The following LUZP4 variants were observed in gnomAD, a reference collection of about 807,000 sequenced individuals.
The protein encoded by LUZP4 is leucine zipper protein 4.
LUZP4 carries 11 observed loss-of-function variants against 8.5 expected under a neutral mutation model. The observed-to-expected ratio is 1.30, with a 90% CI of 0.82 to 2.14. The LOEUF is 2.14. LUZP4 is among the 30% of genes most tolerant of loss of function. LUZP4 has a pLI of 0.00. For missense variants in LUZP4, 276 were observed against 229.7 expected, an observed-to-expected ratio of 1.20 and a Z score of -1.30; for synonymous variants, 104 against 79.4, an observed-to-expected ratio of 1.31 and a Z score of -1.65.
intron 1 of LUZP4, among the ~76,000 whole-genome samples, chrX:115,297,189 CTTTCTA>C (rs1458005996): frequency 2.7e-5 from 3 of 111,584 alleles, no homozygotes; most frequent in African/African-American, 6.5e-5. Flanking sequence ...CTTATTCATT[CTTTCTA>C]TTTATATTTT....
rs782119461 is a variant in LUZP4 at position 115,304,648 on chromosome X, A to T, written c.342+1230A>T. On this transcript the variant is annotated intron_variant, in intron 3 of 3. Coordinates refer to ENST00000371920, the MANE Select transcript of LUZP4 (RefSeq NM_016383.5). Reference sequence around the variant, plus strand: ...CACTTCAGCCTCCCAAGTAGCTGGGACTATAGGCACGTGCCACCATGCTCT... The same window carrying T: ...CACTTCAGCCTCCCAAGTAGCTGGGTCTATAGGCACGTGCCACCATGCTCT... Among the ~76,000 whole-genome samples the T allele has an allele frequency of 4.6e-5, 5 of 108,943 alleles. No homozygotes were observed. In the East Asian group the frequency reaches 1.4e-3, roughly 31 times the overall value. The allele number at this position is 108,943 out of a possible 115,157, so 94.6% of individuals were successfully genotyped here.
rs149429232 is a variant in LUZP4 at position 115,305,191 on chromosome X, C to T, written c.343-1014C>T. Reference sequence around the variant, plus strand: ...ATGGAACTCAGTCCTATCTTTCCTACTGACCCACTGTGCTCCCAACACCAA... The same window carrying T: ...ATGGAACTCAGTCCTATCTTTCCTATTGACCCACTGTGCTCCCAACACCAA... On this transcript the variant is annotated intron_variant, in intron 3 of 3. Coordinates refer to ENST00000371920, the MANE Select transcript of LUZP4 (RefSeq NM_016383.5). Among the ~76,000 whole-genome samples, 749 of 112,108 alleles carry T rather than the reference C, an allele frequency of 6.7e-3. 12 individuals are homozygous for T. Among genetic ancestry groups the T allele is most frequent in the African/African-American group, 0.023 (725 of 30,910 alleles).
At chrX:115,299,821 C>A (rs1209014191) in intron 1 of LUZP4, among the ~76,000 whole-genome samples, 1 of 111,728 alleles carries the variant, frequency 9.0e-6, no homozygotes, top group African/African-American at 3.3e-5. Flanking sequence ...CAGCAAGTCT[C>A]GGAGTCTCAT....
At chrX:115,291,089 G>C (rs1284463448) in intron 1 of LUZP4, among the ~76,000 whole-genome samples, 1 of 110,140 alleles carries the variant, frequency 9.1e-6, no homozygotes, top group Non-Finnish European at 1.9e-5. Flanking sequence ...ATAAGCCACC[G>C]CCCCCGGCCT....
chrX:115,291,719 C>A (rs1556596902), intron 1 of LUZP4, among the ~76,000 whole-genome samples: 1 of 109,812 alleles, frequency 9.1e-6, no homozygotes, highest in Admixed American at 9.7e-5. Flanking sequence ...GCCAGGAGTT[C>A]GAGACCAGCC....
Position 115,289,923 on chromosome X carries a change from G to A in LUZP4, c.91+73G>A, listed in dbSNP as rs782150311. 8.2e-4 allele frequency: 634 copies of A among 772,653 alleles called. 5 individuals carry two copies. The South Asian group carries it at 0.013, about 16-fold the overall frequency. 63.7% of individuals were successfully genotyped at this position (772,653 alleles called of 1,213,427 possible). A position where few individuals can be genotyped will look rare whatever the true frequency, so the allele number is the denominator to read the frequency against. On this transcript the variant is annotated intron_variant, in intron 1 of 3. Transcript: ENST00000371920. ...CTTGAGCGCAAGACCTCGGCATAGCGCTTACTAGAAGTGGCGTCGGGAGGA... is the reference window on the plus strand; with the variant it reads ...CTTGAGCGCAAGACCTCGGCATAGCACTTACTAGAAGTGGCGTCGGGAGGA...
At chrX:115,301,853 T>G in intron 1 of LUZP4, 139 bp from the exon 2 acceptor site, 1 of 314,462 alleles carries the variant, frequency 3.2e-6, no homozygotes. Flanking sequence ...TTTAACAAAT[T>G]TATTATTATT....
At chrX:115,290,169 G>A (rs2073342349) in intron 1 of LUZP4, among the ~76,000 whole-genome samples, 1 of 111,289 alleles carries the variant, frequency 9.0e-6, no homozygotes, top group Admixed American at 9.6e-5. Context: ...CGCTATTAAC[G>A]TGTATTTTAC....
chrX:115,292,414 C>T (rs2073352659), intron 1 of LUZP4, among the ~76,000 whole-genome samples: 2 of 110,839 alleles, frequency 1.8e-5, no homozygotes, highest in Non-Finnish European at 3.8e-5. Context: ...TTCTTAATTT[C>T]GTTTTTGGAT....
intron 3 of LUZP4, among the ~76,000 whole-genome samples, chrX:115,304,647 G>T (rs1365423679): frequency 2.7e-5 from 3 of 109,479 alleles, no homozygotes; most frequent in Admixed American, 9.8e-5. Context: ...AAGTAGCTGG[G>T]ACTATAGGCA....
chrX:115,295,733 C>T (rs782502027), intron 1 of LUZP4, among the ~76,000 whole-genome samples: 19 of 109,084 alleles, frequency 1.7e-4, no homozygotes, highest in African/African-American at 5.3e-4. Flanking sequence ...GACCAAAATT[C>T]GAACTGGTAA....
In LUZP4 at chrX:115,303,376, G is replaced by A. The variant is rs1556602414; in HGVS notation, c.300G>A (p.Lys100=). The A allele has an allele frequency of 8.4e-7, 1 of 1,193,524 alleles. No homozygotes were observed. The highest frequency in any genetic ancestry group is 1.9e-5 in the South Asian group (1 of 52,567). The change falls in exon 3 of 4, where the codon AAG becomes AAA. Residue 100 remains lysine (K), a synonymous_variant. Coordinates refer to ENST00000371920, the MANE Select transcript of LUZP4 (RefSeq NM_016383.5). ...CATCCCAAAAACCTTCTGGATTCAA[G>A]TCTGGACAACACCCTTTAAATGGGC... ...KKPSQKPSGF[K]SGQHPLNGQP...
rs1300916478 is a variant in LUZP4, at chrX:115,296,907, C to G, written c.92-5085C>G. ...AGATGTCAGCCATTTCAAAGAAAAT[C>G]AGAATCAGATTTTTTTCTTATTATT... On this transcript the variant is annotated intron_variant, in intron 1 of 3. Coordinates refer to ENST00000371920, the MANE Select transcript of LUZP4 (RefSeq NM_016383.5). Among the ~76,000 whole-genome samples, 3 of 111,860 alleles carry G rather than the reference C, an allele frequency of 2.7e-5. 1 individual carries two copies. In the Admixed American group the frequency reaches 2.8e-4, roughly 11 times the overall value.
Position 115,306,743 on chromosome X carries a change from C to T in LUZP4, c.881C>T (p.Ser294Phe), listed in dbSNP as rs782107548. Residue 294 changes from serine to phenylalanine, a missense_variant, in exon 4 of 4, where the codon TCT becomes TTT. Physicochemically the swap from Ser to Phe is radical, Grantham distance 155 (BLOSUM62 -2). Transcript: ENST00000371920. ...ERDLINQSGR[S>F]HGQSERHQRY... ...GATCTCATAAATCAGTCAGGGAGAT[C>T]TCATGGCCAATCAGAAAGACATCAG... 4.1e-6 allele frequency: 5 copies of T among 1,209,113 alleles called. No individual in the cohort carries two copies. In the Admixed American group the frequency reaches 1.1e-4, roughly 26 times the overall value.
intron 1 of LUZP4, among the ~76,000 whole-genome samples, chrX:115,296,020 G>A (rs1342614139): frequency 9.0e-6 from 1 of 111,727 alleles, no homozygotes; most frequent in African/African-American, 3.3e-5. Context: ...AAGTATTCTG[G>A]AAGTATGTAT....
Position 115,306,221 on chromosome X carries a change from A to G in LUZP4, c.359A>G (p.Asn120Ser), listed in dbSNP as rs1205717126. 1.3e-5 allele frequency: 16 copies of G among 1,206,609 alleles called. No individual in the cohort carries two copies. Among genetic ancestry groups the G allele is most frequent in the Non-Finnish European group, 1.8e-5 (16 of 893,622 alleles). The change falls in exon 4 of 4, where the codon AAT (asparagine) becomes AGT (serine). Residue 120 changes from asparagine (N) to serine (S), a missense_variant. Transcript: ENST00000371920. ...PLIEQEKCSD[N>S]YEAQAEKNQG... ...CCTTTTCAGGAGAAGTGCAGTGACAATTATGAGGCCCAAGCAGAGAAGAAT... is the reference window on the plus strand; with the variant it reads ...CCTTTTCAGGAGAAGTGCAGTGACAGTTATGAGGCCCAAGCAGAGAAGAAT...
intron 2 of LUZP4, among the ~76,000 whole-genome samples, 175 bp from the exon 3 acceptor site, chrX:115,303,125 G>A (rs1556602239): frequency 9.0e-6 from 1 of 111,108 alleles, no homozygotes; most frequent in Non-Finnish European, 1.9e-5. Flanking sequence ...GAAATAGTAT[G>A]GCAAAGACTG....
At chrX:115,297,728 G>C (rs1286177765) in intron 1 of LUZP4, among the ~76,000 whole-genome samples, 2 of 110,997 alleles carry the variant, frequency 1.8e-5, no homozygotes, top group African/African-American at 6.6e-5. Context: ...AATGCCTTGA[G>C]GTAGTCTTCT....
intron 1 of LUZP4, among the ~76,000 whole-genome samples, chrX:115,296,049 G>A (rs1228091642): frequency 1.8e-5 from 2 of 111,765 alleles, no homozygotes; most frequent in African/African-American, 6.5e-5. Context: ...TTTTTCAGAA[G>A]TTGAGAGGAA....
Sources: gnomAD v4.1 joint callset for allele counts (sites outside exome capture counted in the v4.1 genomes callset) on GRCh38, gnomAD v4.1.1 for gene constraint, MANE v1.5 for transcripts, NCBI Gene and HGNC (gene_info 2026-07-23, HGNC 2026-07-21) for gene names.